Variants in DLGAP2 observed in about 807,000 individuals in gnomAD.
DLGAP2 encodes DLG associated protein 2.
Under a neutral mutation model 100.3 loss-of-function variants are expected in DLGAP2, and 26 were observed. The ratio of observed to expected loss-of-function variants is 0.26; its 90% CI spans 0.19 to 0.36. The LOEUF is 0.36. Ranked by LOEUF, DLGAP2 falls within the 10% of genes least tolerant of loss-of-function variation. DLGAP2 has a pLI of 1.00. For synonymous variants in DLGAP2, 886 were observed against 630.1 expected (o/e 1.41, Z -6.08); for missense variants, 1,858 against 1,453.2 (o/e 1.28, Z -4.53).
chr8:1,415,125 T>A (rs1316480010), intron 3 of DLGAP2, among the ~76,000 whole-genome samples: 1 of 152,242 alleles, frequency 6.6e-6, no homozygotes, highest in Non-Finnish European at 1.5e-5. Flanking sequence ...CACACATGCA[T>A]ACAAACAGGT....
chr8:1,430,954 G>T (rs151134825), intron 3 of DLGAP2, among the ~76,000 whole-genome samples: 1 of 152,172 alleles, frequency 6.6e-6, no homozygotes, highest in Non-Finnish European at 1.5e-5. Flanking sequence ...TTCTGGGCAA[G>T]TCATTACCTT....
chr8:1,572,954 C>A (rs1802797184), intron 6 of DLGAP2, among the ~76,000 whole-genome samples: 1 of 119,952 alleles, frequency 8.3e-6, no homozygotes. Flanking sequence ...GTATTGGGGG[C>A]ATCTGATGAG....
chr8:1,684,810 C>T (rs569300713), intron 12 of DLGAP2, among the ~76,000 whole-genome samples: 1 of 151,996 alleles, frequency 6.6e-6, no homozygotes, highest in Non-Finnish European at 1.5e-5. Context: ...AAAAGAAATC[C>T]TTCCCAAGCT....
chr8:1,413,886 T>C (rs548339978), intron 3 of DLGAP2, among the ~76,000 whole-genome samples: 3 of 152,302 alleles, frequency 2.0e-5, no homozygotes, highest in African/African-American at 7.2e-5. Flanking sequence ...GGCATACTTA[T>C]TAAATGGTGA....
rs560422790 is a variant in DLGAP2 at position 1,269,504 on chromosome 8, G to A, written c.106+10621G>A. Among the ~76,000 whole-genome samples the A allele has an allele frequency of 1.7e-3, 256 of 152,294 alleles. 2 individuals carry two copies. The highest frequency in any genetic ancestry group is 1.9e-3 in the Non-Finnish European group (131 of 68,032). ...TTAGATCTTCTTTGTCTGTTTATGT[G>A]ACTGGGAGAAGTAAGACCCCCTCAA... On this transcript the variant is annotated intron_variant, in intron 3 of 14. Coordinates refer to ENST00000637795, the MANE Select transcript of DLGAP2 (RefSeq NM_001346810.2).
rs182710372 is a variant in DLGAP2 at position 1,445,542 on chromosome 8, A to G, written c.107-55824A>G. Among the ~76,000 whole-genome samples, 35 of 152,196 alleles carry G rather than the reference A, an allele frequency of 2.3e-4. No individual in the cohort carries two copies. In the East Asian group the frequency reaches 3.7e-3, roughly 16 times the overall value. On this transcript the variant is annotated intron_variant, in intron 3 of 14. Transcript: ENST00000637795. ...CTTTGCTATTGTGAATAGTGCCGCAATAAACACACGCGTGCACGTGTCTTT... is the reference window on the plus strand; with the variant it reads ...CTTTGCTATTGTGAATAGTGCCGCAGTAAACACACGCGTGCACGTGTCTTT...
intron 2 of DLGAP2, among the ~76,000 whole-genome samples, chr8:1,039,759 G>A (rs1444201525): frequency 7.1e-6 from 1 of 139,960 alleles, no homozygotes; most frequent in Admixed American, 7.2e-5. Flanking sequence ...TCTGTAGTCG[G>A]CTCGGTGTGT....
At chr8:744,958 A>G (rs1270769496) in intron 1 of DLGAP2, among the ~76,000 whole-genome samples, 1 of 152,192 alleles carries the variant, frequency 6.6e-6, no homozygotes, top group African/African-American at 2.4e-5. Flanking sequence ...TCCTCAGTGC[A>G]GCAGAGATGG....
intron 6 of DLGAP2, among the ~76,000 whole-genome samples, chr8:1,614,393 G>T (rs1797081531): frequency 6.6e-6 from 1 of 152,218 alleles, no homozygotes. Context: ...CAGTGCTGCT[G>T]GTACCACAGG....
chr8:1,579,369 C>T (rs1004730274), intron 6 of DLGAP2, among the ~76,000 whole-genome samples: 2 of 151,848 alleles, frequency 1.3e-5, no homozygotes, highest in African/African-American at 2.4e-5. Flanking sequence ...GTATTCTGTA[C>T]TCTGGGGGTG....
Position 881,322 on chromosome 8 carries a change from C to T in DLGAP2, c.19-26590C>T, listed in dbSNP as rs570524492. 5.9e-5 allele frequency among the ~76,000 whole-genome samples: 9 copies of T among 152,182 alleles called. No individual in the cohort carries two copies. The East Asian group carries it at 7.7e-4, about 13-fold the overall frequency. Reference sequence around the variant, plus strand: ...ATTTATTCCTCAGTTTTATGTAGGACGTTTGCCCCGATAATTTGACTGGTT... The same window carrying T: ...ATTTATTCCTCAGTTTTATGTAGGATGTTTGCCCCGATAATTTGACTGGTT... On this transcript the variant is annotated intron_variant, in intron 1 of 14. Transcript: ENST00000637795.
intron 4 of DLGAP2, among the ~76,000 whole-genome samples, chr8:1,502,607 A>T (rs59732353): frequency 0.035 from 5,349 of 152,292 alleles, 200 homozygotes; most frequent in African/African-American, 0.089. Context: ...ATTAGGAAGG[A>T]ACAGTGGCTA....
At chr8:1,429,177 A>T (rs1797333737) in intron 3 of DLGAP2, among the ~76,000 whole-genome samples, 1 of 152,104 alleles carries the variant, frequency 6.6e-6, no homozygotes, top group Admixed American at 6.6e-5. Context: ...ATAGTTTCTG[A>T]TTGGTGGAGT....
At chr8:1,606,769 G>T (rs577234858) in intron 6 of DLGAP2, among the ~76,000 whole-genome samples, 1 of 152,002 alleles carries the variant, frequency 6.6e-6, no homozygotes, top group Non-Finnish European at 1.5e-5. Context: ...TACAACCTCC[G>T]CCCCCTGAGC....
At chr8:835,977 TG>T (rs1796866480) in intron 1 of DLGAP2, among the ~76,000 whole-genome samples, 1 of 152,152 alleles carries the variant, frequency 6.6e-6, no homozygotes, top group African/African-American at 2.4e-5. Context: ...CATTTTTGGG[TG>T]TAAGACACGT....
chr8:1,005,548 A>T (rs940896894), intron 2 of DLGAP2, among the ~76,000 whole-genome samples: 4 of 151,066 alleles, frequency 2.6e-5, no homozygotes, highest in African/African-American at 9.7e-5. Context: ...AGCTGGGACT[A>T]CAGGTGTGTG....
At chr8:1,121,650 ATCC>A (rs1796051278) in intron 2 of DLGAP2, among the ~76,000 whole-genome samples, 1 of 151,710 alleles carries the variant, frequency 6.6e-6, no homozygotes, top group Non-Finnish European at 1.5e-5. Context: ...CTGATCACCC[ATCC>A]TCATGTCTTC....
chr8:1,504,860 C>T (rs141257650), intron 4 of DLGAP2, among the ~76,000 whole-genome samples: 2 of 152,212 alleles, frequency 1.3e-5, no homozygotes, highest in Admixed American at 1.3e-4. Context: ...CCCTTCCACA[C>T]ATCCATTTTA....
chr8:822,329 G>C, intron 1 of DLGAP2: 1 of 398,680 alleles, frequency 2.5e-6, no homozygotes, highest in East Asian at 3.6e-5. Context: ...GCCAGGCTCA[G>C]GCTACCTGGA....
Sources: gnomAD v4.1 joint callset for allele counts (sites outside exome capture counted in the v4.1 genomes callset) on GRCh38, gnomAD v4.1.1 for gene constraint, MANE v1.5 for transcripts, NCBI Gene and HGNC (gene_info 2026-07-23, HGNC 2026-07-21) for gene names.